Variants in RANBP17 observed in about 807,000 individuals in gnomAD.
RANBP17 encodes the protein RAN binding protein 17.
In RANBP17, 158 loss-of-function variants were observed where a neutral mutation model predicts 141.2. The ratio of observed to expected loss-of-function variants is 1.12; its 90% CI spans 0.98 to 1.28. The LOEUF (loss-of-function observed/expected upper bound fraction) is 1.28, where lower values mean the gene tolerates loss of function less well. RANBP17 is among the 50% of genes most tolerant of loss of function. The pLI is 0.00. For synonymous variants in RANBP17, 430 were observed against 450.0 expected (o/e 0.96, Z 0.56); for missense variants, 1,438 against 1,290.7 (o/e 1.11, Z -1.75).
chr5:171,196,644 C>T (rs963089554), intron 18 of RANBP17, among the ~76,000 whole-genome samples: 10 of 151,930 alleles, frequency 6.6e-5, no homozygotes, highest in South Asian at 2.1e-4. Context: ...GGGGATGGGG[C>T]GAGGGGGTGG....
chr5:171,101,120 A>G (rs747746668), intron 14 of RANBP17, among the ~76,000 whole-genome samples: 2 of 152,084 alleles, frequency 1.3e-5, no homozygotes, highest in Non-Finnish European at 2.9e-5. Flanking sequence ...TTAGGTCTGC[A>G]TGGTCCAGAG....
intron 19 of RANBP17, among the ~76,000 whole-genome samples, chr5:171,203,416 T>G (rs550417357): frequency 6.6e-6 from 1 of 152,302 alleles, no homozygotes; most frequent in South Asian, 2.1e-4. Context: ...ATTATTGCAG[T>G]ATTATCTGCT....
intron 12 of RANBP17, among the ~76,000 whole-genome samples, chr5:170,939,443 G>A (rs1774152595): frequency 6.6e-6 from 1 of 151,706 alleles, no homozygotes; most frequent in South Asian, 2.1e-4. Flanking sequence ...GGAGTGCAGT[G>A]GCGTGATCTC....
At chr5:170,934,441 T>C (rs556297539) in intron 12 of RANBP17, among the ~76,000 whole-genome samples, 1 of 152,168 alleles carries the variant, frequency 6.6e-6, no homozygotes, top group African/African-American at 2.4e-5. Context: ...TTATTTGGCA[T>C]GTTTTTGCAG....
chr5:171,146,345 A>G (rs529560011), intron 14 of RANBP17, among the ~76,000 whole-genome samples: 5 of 152,364 alleles, frequency 3.3e-5, no homozygotes, highest in South Asian at 4.1e-4. Flanking sequence ...TGTGACTTCT[A>G]CGTGCCAGTA....
chr5:170,891,333 G>A (rs931282003), intron 3 of RANBP17, among the ~76,000 whole-genome samples: 2 of 152,150 alleles, frequency 1.3e-5, no homozygotes, highest in African/African-American at 2.4e-5. Flanking sequence ...GACTCAGAAG[G>A]GTTGCAGCTT....
chr5:170,932,102 C>G (rs1268312920), intron 12 of RANBP17, among the ~76,000 whole-genome samples: 1 of 152,132 alleles, frequency 6.6e-6, no homozygotes, highest in Non-Finnish European at 1.5e-5. Flanking sequence ...GTTTGTAGTT[C>G]TCCTTGAAGA....
At chr5:171,113,258 G>C (rs1437573282) in intron 14 of RANBP17, among the ~76,000 whole-genome samples, 1 of 152,106 alleles carries the variant, frequency 6.6e-6, no homozygotes, top group African/African-American at 2.4e-5. Flanking sequence ...AATTTGTTTA[G>C]ATTTGAGCAT....
At chr5:170,933,467 G>C (rs181847943) in intron 12 of RANBP17, among the ~76,000 whole-genome samples, 1 of 152,242 alleles carries the variant, frequency 6.6e-6, no homozygotes, top group East Asian at 1.9e-4. Flanking sequence ...CTTTGAATGT[G>C]TTTGCTCTTC....
chr5:170,951,152 A>G (rs1053720087), intron 12 of RANBP17, among the ~76,000 whole-genome samples: 10 of 152,004 alleles, frequency 6.6e-5, no homozygotes, highest in African/African-American at 1.7e-4. Context: ...TATAAGTTCT[A>G]ATGTTTGATA....
At chr5:171,038,204 A>G (rs10076948) in intron 14 of RANBP17, among the ~76,000 whole-genome samples, 103,781 of 150,976 alleles carry the variant, frequency 0.69, 35,835 homozygotes, top group South Asian at 0.89. Context: ...GTGCACGTGC[A>G]CAGCAATTAT....
At chr5:171,105,146 G>C (rs1339962625) in intron 14 of RANBP17, among the ~76,000 whole-genome samples, 1 of 151,740 alleles carries the variant, frequency 6.6e-6, no homozygotes, top group Non-Finnish European at 1.5e-5. Context: ...ACTTTGGGAG[G>C]CCAAGGCGGG....
rs1192669306 is a variant in RANBP17 at position 171,295,943 on chromosome 5, G to T, written c.3099G>T (p.Glu1033Asp). The change falls in exon 27 of 28, where the codon GAG becomes GAT. Residue 1033 changes from glutamate to aspartate, a missense_variant. Physicochemically the swap from Glu to Asp is conservative, Grantham distance 45 (BLOSUM62 2). Transcript: ENST00000523189. ...LINSQPLPKQ[E>D]VLAQCFRNLM... ...ACAGCCAGCCCCTCCCCAAGCAGGAGGTCCTTGCCCAGTGCTTCAGAAACC... is the reference window on the plus strand; with the variant it reads ...ACAGCCAGCCCCTCCCCAAGCAGGATGTCCTTGCCCAGTGCTTCAGAAACC... 6.2e-7 allele frequency: 1 copy of T among 1,613,860 alleles called. No individual in the cohort carries two copies. The highest frequency in any genetic ancestry group is 1.3e-5 in the African/African-American group (1 of 74,924).
At chr5:171,103,851 C>T (rs930435793) in intron 14 of RANBP17, among the ~76,000 whole-genome samples, 3 of 152,180 alleles carry the variant, frequency 2.0e-5, no homozygotes, top group Admixed American at 6.5e-5. Context: ...GGCTAGGCGA[C>T]GGAGGTCCCC....
At chr5:170,988,857 G>C (rs4521494) in intron 14 of RANBP17, among the ~76,000 whole-genome samples, 1 of 151,446 alleles carries the variant, frequency 6.6e-6, no homozygotes, top group Non-Finnish European at 1.5e-5. Flanking sequence ...TTATTTGACT[G>C]GAAAAAAATT....
chr5:171,025,509 G>T lies in RANBP17; in HGVS notation c.1710+57132G>T, dbSNP rs905718761. Among the ~76,000 whole-genome samples, 6 of 151,064 alleles carry T rather than the reference G, an allele frequency of 4.0e-5. No homozygotes were observed. In the East Asian group the frequency reaches 9.7e-4, roughly 24 times the overall value. On this transcript the variant is annotated intron_variant, in intron 14 of 27. Coordinates refer to ENST00000523189, the MANE Select transcript of RANBP17 (RefSeq NM_022897.5). ...ACTTAATTCCTGTTTTCTCTAGGCA[G>T]CCTTCCCTCACCCTCACTCCCTCCT...
intron 14 of RANBP17, among the ~76,000 whole-genome samples, chr5:171,002,890 G>A (rs1390297760): frequency 6.6e-6 from 1 of 152,172 alleles, no homozygotes; most frequent in Admixed American, 6.5e-5. Flanking sequence ...TAATGTGGGA[G>A]GCCGGATTGA....
chr5:171,291,216 T>A (rs2128043652), intron 25 of RANBP17, among the ~76,000 whole-genome samples: 1 of 152,312 alleles, frequency 6.6e-6, no homozygotes, highest in African/African-American at 2.4e-5. Context: ...GACCAAGTCA[T>A]ACAACTCTGC....
chr5:171,026,375 A>G (rs567271388), intron 14 of RANBP17, among the ~76,000 whole-genome samples: 5 of 152,254 alleles, frequency 3.3e-5, no homozygotes, highest in African/African-American at 1.2e-4. Flanking sequence ...ATTCAAACCT[A>G]ATTGATCTTT....
Sources: allele counts gnomAD v4.1 joint callset (sites outside exome capture counted in the v4.1 genomes callset), GRCh38; gene constraint gnomAD v4.1.1; transcripts MANE v1.5; gene names NCBI Gene and HGNC (gene_info 2026-07-23, HGNC 2026-07-21).